MAOA: variants seen among roughly 807,000 people sequenced by gnomAD.
MAOA encodes the protein amine oxidase [flavin-containing] A.
MAOA carries 6 observed loss-of-function variants against 42.0 expected under a neutral mutation model. The ratio of observed to expected loss-of-function variants is 0.14; its 90% CI spans 0.08 to 0.28. MAOA has a LOEUF of 0.28. MAOA is among the 10% of genes least tolerant of loss of function. MAOA has a pLI of 1.00. For synonymous variants in MAOA, 140 were observed against 154.0 expected (o/e 0.91, Z 0.67); for missense variants, 262 against 422.3 (o/e 0.62, Z 3.33).
intron 1 of MAOA, among the ~76,000 whole-genome samples, chrX:43,677,345 G>T (rs1323323431): frequency 9.0e-6 from 1 of 111,721 alleles, no homozygotes; most frequent in Non-Finnish European, 1.9e-5. Context: ...AGTTTCTATG[G>T]GCAGTTGCTT....
intron 3 of MAOA, among the ~76,000 whole-genome samples, chrX:43,708,057 T>C (rs1487890092): frequency 9.0e-6 from 1 of 111,681 alleles, no homozygotes; most frequent in Non-Finnish European, 1.9e-5. Flanking sequence ...TGAACATTAG[T>C]AGATTGAAGA....
chrX:43,655,042 A>G (rs1490553481), upstream of MAOA: 1 of 112,277 alleles, frequency 8.9e-6, no homozygotes, highest in Non-Finnish European at 1.9e-5. Context: ...CACCGCCCCC[A>G]GCGCCCAGCG....
At chrX:43,656,184 A>C (rs1343539867), upstream of MAOA, 4 of 485,270 alleles carry the variant, frequency 8.2e-6, no homozygotes, top group African/African-American at 4.8e-5. Context: ...GTATCAGCAA[A>C]AGGGTTCGCC....
upstream of MAOA, chrX:43,655,041 C>T (rs1438946284): frequency 3.5e-5 from 4 of 113,077 alleles, no homozygotes; most frequent in Non-Finnish European, 7.4e-5. Flanking sequence ...ACACCGCCCC[C>T]AGCGCCCAGC....
At chrX:43,676,739 G>A (rs1281524223) in intron 1 of MAOA, among the ~76,000 whole-genome samples, 6 of 109,716 alleles carry the variant, frequency 5.5e-5, no homozygotes, top group African/African-American at 1.4e-4. Context: ...CCCTATTTTC[G>A]TGTAGGCTTA....
At chrX:43,657,225 T>TTA (rs748163326) in intron 1 of MAOA, among the ~76,000 whole-genome samples, 4 of 71,505 alleles carry the variant, frequency 5.6e-5, no homozygotes, top group African/African-American at 2.9e-4. Flanking sequence ...TGAACTGTGT[T>TTA]TATATATATA....
intron 3 of MAOA, among the ~76,000 whole-genome samples, chrX:43,708,315 C>T (rs757967182): frequency 1.8e-5 from 2 of 111,380 alleles, no homozygotes; most frequent in South Asian, 7.6e-4. Flanking sequence ...GCTTCACCCT[C>T]TTAGGTCATG....
At chrX:43,673,504 C>T (rs1232023956) in intron 1 of MAOA, among the ~76,000 whole-genome samples, 2 of 107,349 alleles carry the variant, frequency 1.9e-5, no homozygotes, top group African/African-American at 3.4e-5. Flanking sequence ...AATGTGTTTG[C>T]TCTTGCTTTT....
Position 43,745,829 on chromosome X carries a change from A to G in MAOA, c.*1316A>G, listed in dbSNP as rs1445638593. On this transcript the variant is annotated 3_prime_UTR_variant, in exon 15 of 15. Transcript: ENST00000338702. ...TGTAAAATACTTCTTTTTACAATGTATCAACATATTTTTATTTAAGGGGAA... is the reference window on the plus strand; with the variant it reads ...TGTAAAATACTTCTTTTTACAATGTGTCAACATATTTTTATTTAAGGGGAA... 1 of 111,806 alleles carries G rather than the reference A, an allele frequency of 8.9e-6. No individual in the cohort carries two copies. The highest frequency in any genetic ancestry group is 1.9e-5 in the Non-Finnish European group (1 of 53,173). The allele number at this position is 111,806 out of a possible 1,213,427, so 9.2% of individuals were successfully genotyped here.
At chrX:43,685,070 G>T (rs1407313283) in intron 2 of MAOA, among the ~76,000 whole-genome samples, 2 of 109,016 alleles carry the variant, frequency 1.8e-5, no homozygotes, top group Admixed American at 2.0e-4. Context: ...TAGAGACAGG[G>T]TTCCACCATG....
intron 1 of MAOA, among the ~76,000 whole-genome samples, chrX:43,678,178 G>T (rs758956150): frequency 9.0e-6 from 1 of 111,575 alleles, no homozygotes; most frequent in South Asian, 3.8e-4. Flanking sequence ...CTGCTGGGCT[G>T]GTTGTTAATC....
chrX:43,679,283 C>A, intron 1 of MAOA, among the ~76,000 whole-genome samples: 1 of 109,480 alleles, frequency 9.1e-6, no homozygotes, highest in South Asian at 4.0e-4. Context: ...AGCCCTGCTC[C>A]CCCCTCCCCT....
chrX:43,664,107 G>A (rs968065697), intron 1 of MAOA, among the ~76,000 whole-genome samples: 12 of 112,200 alleles, frequency 1.1e-4, no homozygotes, highest in Non-Finnish European at 1.9e-4. Context: ...TATTTCAGAG[G>A]ATTCATTATA....
chrX:43,728,874 A>G (rs1270701992), intron 6 of MAOA, among the ~76,000 whole-genome samples: 2 of 113,209 alleles, frequency 1.8e-5, no homozygotes, highest in Non-Finnish European at 3.7e-5. Flanking sequence ...TTTATTAATA[A>G]GTGAATTCAT....
intron 9 of MAOA, 126 bp from the exon 10 acceptor site, chrX:43,736,098 AGAG>A: frequency 2.2e-6 from 1 of 446,027 alleles, no homozygotes; most frequent in Non-Finnish European, 4.1e-6. Context: ...TTGCCCTACT[AGAG>A]GAGGAGGGTC....
At chrX:43,658,462 A>G (rs1019548833) in intron 1 of MAOA, among the ~76,000 whole-genome samples, 1 of 111,854 alleles carries the variant, frequency 8.9e-6, no homozygotes, top group Non-Finnish European at 1.9e-5. Context: ...ATAAATAACC[A>G]GTTTCATACT....
Position 43,745,569 on chromosome X carries a change from T to C in MAOA, c.*1056T>C, listed in dbSNP as rs1315782438. 2 of 111,962 alleles carry C rather than the reference T, an allele frequency of 1.8e-5. No individual in the cohort carries two copies. The highest frequency in any genetic ancestry group is 3.8e-5 in the Non-Finnish European group (2 of 53,196). The allele number at this position is 111,962 out of a possible 1,213,427, so 9.2% of individuals were successfully genotyped here. ...AGTACTGAAATACATATGATAAATT[T>C]GACTGTTATTTGTTGAGACTATCAA... On this transcript the variant is annotated 3_prime_UTR_variant, in exon 15 of 15. Transcript: ENST00000338702.
At chrX:43,710,890 T>A (rs1195965944) in intron 3 of MAOA, among the ~76,000 whole-genome samples, 2 of 112,449 alleles carry the variant, frequency 1.8e-5, no homozygotes, top group Non-Finnish European at 3.8e-5. Context: ...ACAGAACTGA[T>A]GTGAGGCTGG....
Position 43,692,931 on chromosome X carries a change from C to A in MAOA, c.169-360C>A, listed in dbSNP as rs1236813741. Among the ~76,000 whole-genome samples, 5 of 112,264 alleles carry A rather than the reference C, an allele frequency of 4.5e-5. No individual in the cohort carries two copies. In the East Asian group the frequency reaches 1.4e-3, roughly 31 times the overall value. ...ACCTGGTGGAAATTAGGGAATTAGG[C>A]TTTGGGTGGCTCCTCCAGCAATAAC... On this transcript the variant is annotated intron_variant, in intron 2 of 14. Transcript: ENST00000338702.
Sources: gnomAD v4.1 joint callset for allele counts (sites outside exome capture counted in the v4.1 genomes callset) on GRCh38, gnomAD v4.1.1 for gene constraint, MANE v1.5 for transcripts, NCBI Gene and HGNC (gene_info 2026-07-23, HGNC 2026-07-21) for gene names.